THSD7A: variants seen among roughly 807,000 people sequenced by gnomAD.
THSD7A encodes the protein thrombospondin type 1 domain containing 7A.
Under a neutral mutation model 231.3 loss-of-function variants are expected in THSD7A, and 96 were observed. The ratio of observed to expected loss-of-function variants is 0.41; its 90% CI spans 0.35 to 0.49. The LOEUF is 0.49. Ranked by LOEUF, THSD7A falls within the 20% of genes least tolerant of loss-of-function variation. THSD7A has a pLI of 0.05. For missense variants in THSD7A, 2,290 were observed against 2,070.2 expected, an observed-to-expected ratio of 1.11 and a Z score of -2.06; for synonymous variants, 940 against 743.3, an observed-to-expected ratio of 1.26 and a Z score of -4.30.
intron 6 of THSD7A, among the ~76,000 whole-genome samples, chr7:11,533,592 G>T (rs934549609): frequency 4.6e-5 from 7 of 152,144 alleles, no homozygotes; most frequent in African/African-American, 1.7e-4. Flanking sequence ...TGTTTGCAGG[G>T]ACATGGATGA....
intron 1 of THSD7A, among the ~76,000 whole-genome samples, chr7:11,764,494 T>C (rs1463713139): frequency 1.4e-5 from 2 of 143,450 alleles, no homozygotes; most frequent in Admixed American, 1.5e-4. Flanking sequence ...GGCAGGAGAA[T>C]AATGTGAACC....
chr7:11,646,125 G>A (rs544412878), intron 1 of THSD7A, among the ~76,000 whole-genome samples: 15 of 151,944 alleles, frequency 9.9e-5, no homozygotes, highest in Admixed American at 2.6e-4. Context: ...ATTTGAGAGT[G>A]TTAGAATCTT....
chr7:11,440,280 A>G (rs752042025), intron 13 of THSD7A, among the ~76,000 whole-genome samples: 2 of 152,078 alleles, frequency 1.3e-5, no homozygotes, highest in Non-Finnish European at 2.9e-5. Context: ...GCATGTAGTC[A>G]TCTAAGAGCT....
chr7:11,511,859 A>G (rs567364957), intron 6 of THSD7A, among the ~76,000 whole-genome samples: 248 of 152,366 alleles, frequency 1.6e-3, no homozygotes, highest in African/African-American at 5.5e-3. Context: ...AATACCATTC[A>G]GGACATAGGC....
At chr7:11,642,184 T>C (rs1195118379) in intron 1 of THSD7A, among the ~76,000 whole-genome samples, 1 of 152,196 alleles carries the variant, frequency 6.6e-6, no homozygotes, top group East Asian at 1.9e-4. Flanking sequence ...CAAATGTTTC[T>C]GTGTAAATGT....
At chr7:11,443,104 G>A (rs1314877215) in intron 13 of THSD7A, among the ~76,000 whole-genome samples, 1 of 152,250 alleles carries the variant, frequency 6.6e-6, no homozygotes, top group East Asian at 1.9e-4. Flanking sequence ...ATTGACTGAA[G>A]TGGCTTGCTG....
At chr7:11,492,258 T>A (rs1786924994) in intron 6 of THSD7A, among the ~76,000 whole-genome samples, 1 of 152,048 alleles carries the variant, frequency 6.6e-6, no homozygotes, top group African/African-American at 2.4e-5. Context: ...AAAACCAACT[T>A]CAATTTGTAA....
intron 6 of THSD7A, among the ~76,000 whole-genome samples, chr7:11,482,272 GTACTAATTTTTA>G (rs1786458651): frequency 6.6e-6 from 1 of 152,116 alleles, no homozygotes; most frequent in Non-Finnish European, 1.5e-5. Flanking sequence ...TGCCCATTAA[GTACTAATTTTTA>G]TACTTGTACT....
At chr7:11,633,008 ATTGACTCT>A in intron 2 of THSD7A, among the ~76,000 whole-genome samples, 1 of 152,090 alleles carries the variant, frequency 6.6e-6, no homozygotes, top group Non-Finnish European at 1.5e-5. Context: ...TCTCTATGTC[ATTGACTCT>A]TTTCACCACC....
rs545229478 is a variant in THSD7A, at chr7:11,725,483, T to C, written c.191-88522A>G. 2.6e-5 allele frequency among the ~76,000 whole-genome samples: 4 copies of C among 152,152 alleles called. No individual in the cohort carries two copies. The South Asian group carries it at 8.3e-4, about 32-fold the overall frequency. On this transcript the variant is annotated intron_variant, in intron 1 of 27. Coordinates refer to ENST00000423059, the MANE Select transcript of THSD7A (RefSeq NM_015204.3). ...TGGTAGTGAATCTGCTAAGATTCAC[T>C]GCTTTCTCACGCTATAAAGTAATTT...
chr7:11,780,997 CAAAAAAAAAAAAAAAAAAAAAA>C (rs58931693), intron 1 of THSD7A, among the ~76,000 whole-genome samples: 20 of 34,448 alleles, frequency 5.8e-4, no homozygotes, highest in Admixed American at 1.7e-3. Context: ...GACTCCGTCT[CAAAAAAAAAAAAAAAAAAAAAA>C]AAAAAAAAAA....
At chr7:11,580,694 G>C (rs575772852) in intron 4 of THSD7A, among the ~76,000 whole-genome samples, 2 of 152,058 alleles carry the variant, frequency 1.3e-5, no homozygotes, top group African/African-American at 4.8e-5. Flanking sequence ...AGAACACATG[G>C]ACACATAGAG....
intron 1 of THSD7A, among the ~76,000 whole-genome samples, chr7:11,784,100 C>T (rs1005970264): frequency 1.2e-3 from 177 of 151,818 alleles, no homozygotes; most frequent in Non-Finnish European, 1.6e-3. Flanking sequence ...ACATATCCTC[C>T]TTTGAAACTA....
chr7:11,454,053 T>G (rs1454215345), intron 11 of THSD7A, among the ~76,000 whole-genome samples: 1 of 152,008 alleles, frequency 6.6e-6, no homozygotes, highest in African/African-American at 2.4e-5. Context: ...GTTTATACAC[T>G]AGTGACTTGA....
chr7:11,651,039 G>A (rs894240490), intron 1 of THSD7A, among the ~76,000 whole-genome samples: 2 of 151,974 alleles, frequency 1.3e-5, no homozygotes, highest in African/African-American at 4.8e-5. Context: ...ACTACCAAAA[G>A]TGGAAACAAT....
chr7:11,716,411 CA>C (rs1781139234), intron 1 of THSD7A, among the ~76,000 whole-genome samples: 1 of 151,622 alleles, frequency 6.6e-6, no homozygotes, highest in Non-Finnish European at 1.5e-5. Flanking sequence ...TGGGAACACA[CA>C]GAATGTCATG....
intron 1 of THSD7A, among the ~76,000 whole-genome samples, chr7:11,662,309 T>C (rs77068889): frequency 0.013 from 1,902 of 151,328 alleles, 38 homozygotes; most frequent in African/African-American, 0.043. Flanking sequence ...TAATACAGAT[T>C]GGTAAGTTTT....
At chr7:11,499,095 T>C (rs1212038409) in intron 6 of THSD7A, among the ~76,000 whole-genome samples, 1 of 152,140 alleles carries the variant, frequency 6.6e-6, no homozygotes, top group Non-Finnish European at 1.5e-5. Flanking sequence ...ATCCTCAGAC[T>C]AATGAAGGAG....
At chr7:11,596,861 A>G (rs981697801) in intron 2 of THSD7A, among the ~76,000 whole-genome samples, 1 of 152,258 alleles carries the variant, frequency 6.6e-6, no homozygotes, top group African/African-American at 2.4e-5. Context: ...GCAGCCATTG[A>G]CATGGCAAGT....
Sources: gnomAD v4.1 joint callset for allele counts (sites outside exome capture counted in the v4.1 genomes callset) on GRCh38, gnomAD v4.1.1 for gene constraint, MANE v1.5 for transcripts, NCBI Gene and HGNC (gene_info 2026-07-23, HGNC 2026-07-21) for gene names.